The following STIM1 variants were observed in gnomAD, a reference collection of about 807,000 sequenced individuals.
The protein encoded by STIM1 is stromal interaction molecule 1.
In STIM1, 25 loss-of-function variants were observed where a neutral mutation model predicts 74.7. That is an observed-to-expected ratio of 0.33 (90% CI 0.24 to 0.47). The LOEUF is 0.47. Ranked by LOEUF, STIM1 falls within the 20% of genes least tolerant of loss-of-function variation. STIM1 has a pLI of 1.00. For missense variants in STIM1, 728 were observed against 920.8 expected (o/e 0.79, Z 2.71); for synonymous variants, 328 against 348.8 (o/e 0.94, Z 0.66).
intron 1 of STIM1, among the ~76,000 whole-genome samples, chr11:3,953,309 G>A (rs1187589002): frequency 6.6e-6 from 1 of 152,178 alleles, no homozygotes; most frequent in Non-Finnish European, 1.5e-5. Flanking sequence ...TTAAGGCAAA[G>A]CAAGGATGTT....
chr11:4,044,490 A>G (rs2094174835), intron 3 of STIM1, among the ~76,000 whole-genome samples: 1 of 152,220 alleles, frequency 6.6e-6, no homozygotes, highest in Non-Finnish European at 1.5e-5. Flanking sequence ...TGAGATCTTC[A>G]TGCTGGAACT....
At chr11:4,068,431 A>G (rs1030568557) in intron 5 of STIM1, among the ~76,000 whole-genome samples, 1 of 152,182 alleles carries the variant, frequency 6.6e-6, no homozygotes, top group African/African-American at 2.4e-5. Context: ...ACCAAGATTA[A>G]AAGTCATTAA....
chr11:3,864,111 C>G (rs2090751290), intron 1 of STIM1, among the ~76,000 whole-genome samples: 1 of 151,950 alleles, frequency 6.6e-6, no homozygotes, highest in Non-Finnish European at 1.5e-5. Flanking sequence ...TTACTGTGGG[C>G]CATGGGGAGA....
At chr11:4,011,163 G>A (rs1269418199) in intron 2 of STIM1, among the ~76,000 whole-genome samples, 1 of 152,172 alleles carries the variant, frequency 6.6e-6, no homozygotes, top group African/African-American at 2.4e-5. Flanking sequence ...ATTGTGAATA[G>A]TGCCGCAATA....
chr11:4,008,545 A>C (rs777097819), intron 2 of STIM1, among the ~76,000 whole-genome samples: 2 of 152,234 alleles, frequency 1.3e-5, no homozygotes, highest in Non-Finnish European at 2.9e-5. Context: ...AAGATTAATA[A>C]AAACAAGTAA....
intron 2 of STIM1, among the ~76,000 whole-genome samples, chr11:4,002,136 T>C (rs1191860488): frequency 2.8e-5 from 4 of 143,356 alleles, no homozygotes; most frequent in South Asian, 4.9e-4. Context: ...ACAATAATAA[T>C]GGGAGACTTT....
intron 2 of STIM1, among the ~76,000 whole-genome samples, chr11:3,981,491 C>A (rs149889685): frequency 1.6e-3 from 241 of 152,234 alleles, no homozygotes; most frequent in African/African-American, 5.4e-3. Flanking sequence ...ATTTTGAATT[C>A]GAAAACAAAG....
At chr11:3,941,585 ATG>A (rs111336047) in intron 1 of STIM1, among the ~76,000 whole-genome samples, 3,920 of 139,536 alleles carry the variant, frequency 0.028, 158 homozygotes, top group African/African-American at 0.095. Flanking sequence ...AAGCATATAT[ATG>A]TGTGTGTGTG....
chr11:4,018,411 C>A (rs567175859), intron 2 of STIM1, among the ~76,000 whole-genome samples: 2 of 129,594 alleles, frequency 1.5e-5, no homozygotes, highest in East Asian at 4.7e-4. Flanking sequence ...GAGATTGCGC[C>A]ACTGCAGTCC....
At chr11:4,012,437 C>T (rs550742917) in intron 2 of STIM1, among the ~76,000 whole-genome samples, 2 of 152,274 alleles carry the variant, frequency 1.3e-5, no homozygotes, top group South Asian at 4.1e-4. Flanking sequence ...AGAGGTCCTT[C>T]ACATCCCTTG....
chr11:4,087,862 T>C (rs1250794850), intron 12 of STIM1, among the ~76,000 whole-genome samples: 2 of 150,566 alleles, frequency 1.3e-5, no homozygotes, highest in Non-Finnish European at 3.0e-5. Flanking sequence ...ACGTCCTTCA[T>C]GGAATTCGGG....
At chr11:4,038,439 C>T (rs1451924249) in intron 3 of STIM1, among the ~76,000 whole-genome samples, 1 of 152,022 alleles carries the variant, frequency 6.6e-6, no homozygotes, top group Non-Finnish European at 1.5e-5. Flanking sequence ...AAAGAAGCTT[C>T]CAGTAGTGTA....
intron 1 of STIM1, among the ~76,000 whole-genome samples, chr11:3,958,947 G>A (rs1194522193): frequency 1.5e-5 from 2 of 129,122 alleles, no homozygotes; most frequent in Admixed American, 1.6e-4. Flanking sequence ...GCAAAACTCT[G>A]TCTAAAAAAA....
At chr11:4,072,672 A>G (rs2133174601) in intron 6 of STIM1, among the ~76,000 whole-genome samples, 1 of 152,352 alleles carries the variant, frequency 6.6e-6, no homozygotes, top group Middle Eastern at 3.4e-3. Context: ...GCTCGCTATT[A>G]TTATAAAGGA....
At chr11:4,055,703 C>A in intron 4 of STIM1, 66 bp downstream of exon 4, 1 of 1,270,180 alleles carries the variant, frequency 7.9e-7, no homozygotes, top group Non-Finnish European at 1.1e-6. Context: ...GGCCTGCCTT[C>A]AGATTGCTCT....
chr11:3,914,581 A>C (rs2092614695), intron 1 of STIM1, among the ~76,000 whole-genome samples: 1 of 152,190 alleles, frequency 6.6e-6, no homozygotes, highest in South Asian at 2.1e-4. Flanking sequence ...AGCTGGAATT[A>C]CAGGTGTGCA....
chr11:3,966,811 A>T (rs2093344723), intron 1 of STIM1, among the ~76,000 whole-genome samples: 3 of 152,240 alleles, frequency 2.0e-5, no homozygotes, highest in Admixed American at 1.3e-4. Flanking sequence ...GGCTTGTAAG[A>T]GAGGACTAGG....
At position 4,070,157 on chromosome 11, in the gene STIM1, G is replaced by A; in HGVS notation, c.745G>A (p.Glu249Lys). ...EHMKKMMKDLEGLHRAEQSLH... is the reference protein window; with the variant it reads ...EHMKKMMKDLKGLHRAEQSLH... Reference sequence around the variant, plus strand: ...CATGAAGAAGATGATGAAGGACTTGGAGGGGTTACACCGAGCTGAGCAGAG... The same window carrying A: ...CATGAAGAAGATGATGAAGGACTTGAAGGGGTTACACCGAGCTGAGCAGAG... Residue 249 changes from glutamate to lysine, a missense_variant, in exon 6 of 13, where the codon GAG (glutamate) becomes AAG (lysine). Around this residue, in one of 5 missense-constraint regions of STIM1, gnomAD observed 132 missense variants for 158.2 expected, o/e 0.83. Coordinates refer to ENST00000526596, the MANE Select transcript of STIM1 (RefSeq NM_001382567.1). The A allele has an allele frequency of 1.2e-6, 2 of 1,614,182 alleles. No individual in the cohort carries two copies. The highest frequency in any genetic ancestry group is 2.2e-5 in the East Asian group (1 of 44,884).
intron 2 of STIM1, among the ~76,000 whole-genome samples, chr11:3,987,921 G>C (rs2093572669): frequency 6.6e-6 from 1 of 152,102 alleles, no homozygotes; most frequent in Non-Finnish European, 1.5e-5. Flanking sequence ...GATGCCAGGA[G>C]CTTCTTGGGA....
Sources: allele counts gnomAD v4.1 joint callset (sites outside exome capture counted in the v4.1 genomes callset), GRCh38; gene constraint gnomAD v4.1.1; regional missense constraint gnomAD v4.1.1; transcripts MANE v1.5; gene names NCBI Gene and HGNC (gene_info 2026-07-23, HGNC 2026-07-21).